The following GNAO1 variants were observed in gnomAD, a reference collection of about 807,000 sequenced individuals.
The protein encoded by GNAO1 is G protein subunit alpha o1, also known as guanine nucleotide-binding protein G(o) subunit alpha.
For missense variants in GNAO1, 166 were observed against 478.7 expected (o/e 0.35, Z 6.10); for synonymous variants, 164 against 180.7 (o/e 0.91, Z 0.74).
At chr16:56,328,913 G>A (rs781315127) in intron 4 of GNAO1, 122 bp downstream of exon 4, 35 of 932,136 alleles carry the variant, frequency 3.8e-5, no homozygotes, top group Middle Eastern at 2.8e-4. Flanking sequence ...GCCGGGAGAT[G>A]TTCTCCCATA....
chr16:56,246,805 C>G (rs1440374290), intron 2 of GNAO1, among the ~76,000 whole-genome samples: 1 of 152,172 alleles, frequency 6.6e-6, no homozygotes, highest in Admixed American at 6.5e-5. Flanking sequence ...GAATGCCTCT[C>G]CTCTCCCCTC....
chr16:56,314,690 T>C (rs985939742), intron 3 of GNAO1, among the ~76,000 whole-genome samples: 6 of 152,194 alleles, frequency 3.9e-5, no homozygotes, highest in Non-Finnish European at 7.3e-5. Flanking sequence ...GAGACCACGA[T>C]TGTATCTGCT....
At chr16:56,325,407 C>T (rs1359700043) in intron 3 of GNAO1, among the ~76,000 whole-genome samples, 1 of 152,144 alleles carries the variant, frequency 6.6e-6, no homozygotes, top group Admixed American at 6.5e-5. Context: ...ACCCAGGAGG[C>T]GGAGGTTGTG....
intron 2 of GNAO1, among the ~76,000 whole-genome samples, chr16:56,214,054 G>A (rs1244699324): frequency 7.9e-5 from 12 of 152,158 alleles, no homozygotes; most frequent in Non-Finnish European, 1.0e-4. Flanking sequence ...ACATGGAAGG[G>A]AAGGATCCCT....
chr16:56,291,502 C>A (rs2037232334), intron 3 of GNAO1, among the ~76,000 whole-genome samples: 1 of 152,098 alleles, frequency 6.6e-6, no homozygotes, highest in African/African-American at 2.4e-5. Flanking sequence ...GGATACGAGT[C>A]CTTTATTAGA....
chr16:56,258,243 G>A (rs2036870987), intron 2 of GNAO1, among the ~76,000 whole-genome samples: 1 of 152,162 alleles, frequency 6.6e-6, no homozygotes, highest in Admixed American at 6.5e-5. Context: ...TTCTGTTTTA[G>A]CTCCCAGCTC....
intron 2 of GNAO1, among the ~76,000 whole-genome samples, chr16:56,261,869 C>T (rs1475532972): frequency 1.3e-5 from 2 of 152,182 alleles, no homozygotes; most frequent in Admixed American, 1.3e-4. Context: ...AAACAAACGT[C>T]CAAGGGCTAT....
chr16:56,227,598 C>A (rs1414968623), intron 2 of GNAO1, among the ~76,000 whole-genome samples: 3 of 143,006 alleles, frequency 2.1e-5, no homozygotes, highest in Non-Finnish European at 3.0e-5. Context: ...CAAGGCAAGA[C>A]GATCACTTAA....
At chr16:56,324,891 G>A (rs2037615846) in intron 3 of GNAO1, among the ~76,000 whole-genome samples, 1 of 152,250 alleles carries the variant, frequency 6.6e-6, no homozygotes, top group South Asian at 2.1e-4. Context: ...CTGCCCTTCT[G>A]CAGTGGACAG....
At chr16:56,241,497 A>C (rs80069029) in intron 2 of GNAO1, among the ~76,000 whole-genome samples, 19,647 of 152,170 alleles carry the variant, frequency 0.13, 1,603 homozygotes, top group African/African-American at 0.22. Context: ...CTTTTGAAAC[A>C]AATAGTCTGT....
At chr16:56,195,133 A>G (rs1024571588) in intron 2 of GNAO1, among the ~76,000 whole-genome samples, 3 of 150,818 alleles carry the variant, frequency 2.0e-5, no homozygotes, top group African/African-American at 7.4e-5. Context: ...AAATGTCAGG[A>G]AAACAGATTT....
At chr16:56,253,664 G>A (rs2036819868) in intron 2 of GNAO1, among the ~76,000 whole-genome samples, 1 of 152,196 alleles carries the variant, frequency 6.6e-6, no homozygotes, top group Non-Finnish European at 1.5e-5. Flanking sequence ...GTTACCTACT[G>A]GGTCCCTCTC....
chr16:56,314,445 A>G (rs1340884840), intron 3 of GNAO1, among the ~76,000 whole-genome samples: 1 of 152,134 alleles, frequency 6.6e-6, no homozygotes. Flanking sequence ...TACAGCCGCC[A>G]CCCTTACATT....
intron 2 of GNAO1, among the ~76,000 whole-genome samples, chr16:56,198,871 C>T (rs1353062346): frequency 6.6e-6 from 1 of 152,172 alleles, no homozygotes; most frequent in Non-Finnish European, 1.5e-5. Flanking sequence ...CTTGCCTGCT[C>T]TGCAGCACCA....
chr16:56,286,118 G>A (rs2037164238), intron 3 of GNAO1, among the ~76,000 whole-genome samples: 1 of 152,148 alleles, frequency 6.6e-6, no homozygotes. Context: ...GGAGTGTAGT[G>A]GGGGTCACAG....
At position 56,211,393 on chromosome 16, in the gene GNAO1, C is replaced by T. The variant is rs548922845; in HGVS notation, c.161+18777C>T. On this transcript the variant is annotated intron_variant, in intron 2 of 8. Transcript: ENST00000262493. ...CATGCCTTCTGCATTTGAGCATAGA[C>T]ACCCCCAGAACTCCCTGGGCCTCCT... Among the ~76,000 whole-genome samples the T allele has an allele frequency of 4.0e-4, 61 of 152,262 alleles. No homozygotes were observed. In the South Asian group the frequency reaches 1.0e-2, roughly 25 times the overall value.
At chr16:56,298,113 G>A (rs1318855901) in intron 3 of GNAO1, among the ~76,000 whole-genome samples, 5 of 152,280 alleles carry the variant, frequency 3.3e-5, no homozygotes, top group Admixed American at 6.5e-5. Flanking sequence ...TCGAGGCTAC[G>A]GTAAGCCATG....
At chr16:56,252,758 A>C (rs189174359) in intron 2 of GNAO1, among the ~76,000 whole-genome samples, 1 of 152,244 alleles carries the variant, frequency 6.6e-6, no homozygotes, top group East Asian at 1.9e-4. Context: ...CTCCCCTCCC[A>C]ACCTTCCTCC....
intron 3 of GNAO1, among the ~76,000 whole-genome samples, chr16:56,299,426 C>T (rs1160317298): frequency 6.6e-6 from 1 of 152,272 alleles, no homozygotes; most frequent in African/African-American, 2.4e-5. Context: ...AAGGGCCTGG[C>T]ATGAGGCTGC....
Sources: gnomAD v4.1 joint callset for allele counts (sites outside exome capture counted in the v4.1 genomes callset) on GRCh38, gnomAD v4.1.1 for gene constraint, MANE v1.5 for transcripts, NCBI Gene and HGNC (gene_info 2026-07-23, HGNC 2026-07-21) for gene names.